SLC4A4: variants seen among roughly 807,000 people sequenced by gnomAD.
The protein encoded by SLC4A4 is solute carrier family 4 member 4.
Under a neutral mutation model 111.5 loss-of-function variants are expected in SLC4A4, and 27 were observed. The observed-to-expected ratio is 0.24, with a 90% CI of 0.18 to 0.33. The LOEUF is 0.33. SLC4A4 is among the 10% of genes least tolerant of loss of function. The pLI is 1.00. For missense variants in SLC4A4, 909 were observed against 1,315.5 expected, an observed-to-expected ratio of 0.69 and a Z score of 4.78; for synonymous variants, 443 against 463.4, an observed-to-expected ratio of 0.96 and a Z score of 0.57.
intron 2 of SLC4A4, among the ~76,000 whole-genome samples, chr4:71,102,177 G>T (rs1742765919): frequency 6.6e-6 from 1 of 151,822 alleles, no homozygotes; most frequent in Non-Finnish European, 1.5e-5. Context: ...ATCAGCAATG[G>T]AAGATGAAAT....
chr4:71,566,985 A>T lies in SLC4A4; in HGVS notation c.3197-19A>T, dbSNP rs910318998. 1.3e-5 allele frequency: 21 copies of T among 1,602,820 alleles called. No homozygotes were observed. The highest frequency in any genetic ancestry group is 4.0e-5 in the African/African-American group (3 of 74,446). ...CCAAAGATCTACCATTTATGTTTTT[A>T]AAAAATTTTATTTTCCAGGAGAAAG... On this transcript the variant is annotated intron_variant, in intron 24 of 25. Coordinates refer to ENST00000264485, the MANE Select transcript of SLC4A4 (RefSeq NM_001098484.3).
chr4:71,111,843 C>T (rs1291149658), intron 2 of SLC4A4, among the ~76,000 whole-genome samples: 1 of 151,154 alleles, frequency 6.6e-6, no homozygotes, highest in Non-Finnish European at 1.5e-5. Flanking sequence ...ATCACAGGCA[C>T]GTGCCACCAC....
intron 3 of SLC4A4, among the ~76,000 whole-genome samples, chr4:71,278,411 T>C (rs1171618823): frequency 6.6e-6 from 1 of 152,190 alleles, no homozygotes; most frequent in Non-Finnish European, 1.5e-5. Context: ...TGAGTGCCAA[T>C]ATCCCTTTGA....
chr4:71,093,701 G>A (rs10805079), intron 2 of SLC4A4, among the ~76,000 whole-genome samples: 82,409 of 151,936 alleles, frequency 0.54, 25,866 homozygotes, highest in East Asian at 0.75. Flanking sequence ...AAAAATGAGC[G>A]TGGAGATGCA....
At chr4:71,183,991 T>C (rs1304031366), upstream of SLC4A4, among the ~76,000 whole-genome samples, 3 of 152,188 alleles carry the variant, frequency 2.0e-5, no homozygotes, top group African/African-American at 7.2e-5. Context: ...TCACCTTTTT[T>C]CCCAATAGTG....
intron 2 of SLC4A4, among the ~76,000 whole-genome samples, chr4:71,114,019 C>T (rs933875991): frequency 7.2e-5 from 11 of 151,998 alleles, no homozygotes; most frequent in African/African-American, 2.2e-4. Flanking sequence ...AGGCCGAGGC[C>T]GGCGGATCAC....
chr4:71,155,409 G>T (rs1320440139), intron 2 of SLC4A4, among the ~76,000 whole-genome samples: 4 of 152,124 alleles, frequency 2.6e-5, no homozygotes, highest in African/African-American at 9.7e-5. Context: ...ATAGTCCAAA[G>T]TTGTGGAGCT....
chr4:71,440,840 A>G, intron 8 of SLC4A4, 67 bp downstream of exon 8: 1 of 1,523,332 alleles, frequency 6.6e-7, no homozygotes, highest in Non-Finnish European at 9.1e-7. Flanking sequence ...TTCAGGCTGG[A>G]GAATCAATAG....
chr4:71,564,691 C>G (rs7681246), intron 24 of SLC4A4, among the ~76,000 whole-genome samples: 137,425 of 151,900 alleles, frequency 0.9, 63,463 homozygotes, highest in Non-Finnish European at 0.99. Flanking sequence ...GTACACTGAT[C>G]TGTTACAGAA....
chr4:71,263,110 G>T (rs530388392), intron 3 of SLC4A4, among the ~76,000 whole-genome samples: 1 of 149,044 alleles, frequency 6.7e-6, no homozygotes, highest in Non-Finnish European at 1.5e-5. Context: ...GAGAACATGC[G>T]GTGCAAACAA....
intron 7 of SLC4A4, among the ~76,000 whole-genome samples, chr4:71,410,574 G>A (rs1174739246): frequency 6.6e-6 from 1 of 152,122 alleles, no homozygotes; most frequent in Admixed American, 6.5e-5. Context: ...GATTTTACAG[G>A]CTCACAGGCA....
At chr4:71,461,904 A>G (rs1726865424) in intron 12 of SLC4A4, among the ~76,000 whole-genome samples, 1 of 152,198 alleles carries the variant, frequency 6.6e-6, no homozygotes. Flanking sequence ...CGTGATGCAA[A>G]GGAATGGAAA....
chr4:71,186,039 T>G (rs899141032), upstream of SLC4A4, among the ~76,000 whole-genome samples: 1 of 152,222 alleles, frequency 6.6e-6, no homozygotes, highest in African/African-American at 2.4e-5. Context: ...GAACAATAGA[T>G]GGTGTGTCTG....
intron 24 of SLC4A4, 81 bp from the exon 25 acceptor site, chr4:71,566,923 T>C (rs72651830): frequency 8.6e-6 from 9 of 1,045,332 alleles, no homozygotes; most frequent in Non-Finnish European, 1.3e-5. Flanking sequence ...TTATGGAAGA[T>C]GCATCAATTT....
chr4:71,175,905 A>T (rs1745081195), intron 2 of SLC4A4, among the ~76,000 whole-genome samples: 1 of 152,178 alleles, frequency 6.6e-6, no homozygotes, highest in East Asian at 1.9e-4. Flanking sequence ...GCCCCCGAGT[A>T]ACCTAACTGG....
chr4:71,352,580 G>A (rs1357743541), intron 5 of SLC4A4, among the ~76,000 whole-genome samples: 11 of 152,310 alleles, frequency 7.2e-5, no homozygotes, highest in African/African-American at 2.6e-4. Context: ...AGCCCTATTA[G>A]CATGTATGAC....
intron 3 of SLC4A4, among the ~76,000 whole-genome samples, chr4:71,284,850 C>A (rs1052736351): frequency 6.6e-6 from 1 of 152,132 alleles, no homozygotes; most frequent in Non-Finnish European, 1.5e-5. Flanking sequence ...CCCTGGTTAC[C>A]TCTGGTTTCC....
At chr4:71,455,465 G>A (rs1039976134) in intron 12 of SLC4A4, among the ~76,000 whole-genome samples, 18 of 152,216 alleles carry the variant, frequency 1.2e-4, no homozygotes, top group Non-Finnish European at 2.1e-4. Flanking sequence ...AAATGACAGC[G>A]TAAGGATAAC....
chr4:71,316,028 A>C (rs936321784), intron 3 of SLC4A4, among the ~76,000 whole-genome samples: 9 of 152,144 alleles, frequency 5.9e-5, no homozygotes, highest in Admixed American at 5.9e-4. Flanking sequence ...TAAATCATGA[A>C]CTGCTTTATT....
Sources: allele counts gnomAD v4.1 joint callset (sites outside exome capture counted in the v4.1 genomes callset), GRCh38; gene constraint gnomAD v4.1.1; transcripts MANE v1.5; gene names NCBI Gene and HGNC (gene_info 2026-07-23, HGNC 2026-07-21).